The following ARHGEF3 variants were observed in gnomAD, a reference collection of about 807,000 sequenced individuals.
ARHGEF3 encodes the protein Rho guanine nucleotide exchange factor 3, also known as 59.8 kDA protein.
ARHGEF3 carries 28 observed loss-of-function variants against 63.2 expected under a neutral mutation model. That is an observed-to-expected ratio of 0.44 (90% confidence interval 0.33 to 0.61). The LOEUF (loss-of-function observed/expected upper bound fraction) is 0.61, where lower values mean the gene tolerates loss of function less well. ARHGEF3 is among the 20% of genes least tolerant of loss of function. The pLI, the probability that ARHGEF3 is intolerant of heterozygous loss-of-function variation, is 0.03. For synonymous variants in ARHGEF3, 266 were observed against 254.2 expected (o/e 1.05, Z -0.44); for missense variants, 533 against 659.3 (o/e 0.81, Z 2.10).
chr3:56,919,646 T>C (rs1415350454), intron 3 of ARHGEF3, among the ~76,000 whole-genome samples: 2 of 152,258 alleles, frequency 1.3e-5, no homozygotes, highest in Non-Finnish European at 2.9e-5. Context: ...AAAGTGCACC[T>C]GTGTGTGGAT....
chr3:56,800,591 C>T (rs1229005801), intron 1 of ARHGEF3, among the ~76,000 whole-genome samples: 1 of 152,060 alleles, frequency 6.6e-6, no homozygotes, highest in African/African-American at 2.4e-5. Flanking sequence ...GGTGTGCTCC[C>T]GAATATACAT....
chr3:56,992,375 TAAAAAAAAAAAAAAAAAAAAAAA>T (rs57740672), intron 2 of ARHGEF3, among the ~76,000 whole-genome samples: 1,501 of 46,168 alleles, frequency 0.033, 57 homozygotes, highest in Middle Eastern at 0.11. Flanking sequence ...AGGATGGCTT[TAAAAAAAAAAAAAAAAAAAAAAA>T]AAAAAAAAAA....
chr3:56,883,487 G>C (rs1197606459), intron 3 of ARHGEF3, among the ~76,000 whole-genome samples: 1 of 151,904 alleles, frequency 6.6e-6, no homozygotes, highest in Non-Finnish European at 1.5e-5. Context: ...TGTAGAGAGG[G>C]GGTCTTGCCA....
At chr3:56,836,639 C>T (rs1416505820) in intron 4 of ARHGEF3, among the ~76,000 whole-genome samples, 1 of 152,080 alleles carries the variant, frequency 6.6e-6, no homozygotes, top group African/African-American at 2.4e-5. Context: ...CAAAAAGTCA[C>T]TGTGGGCCAG....
chr3:57,007,107 G>GTGTACA, intron 2 of ARHGEF3: 1 of 1,161,644 alleles, frequency 8.6e-7, no homozygotes. Flanking sequence ...ACCCAGCAAG[G>GTGTACA]TGTACAGTTA....
intron 3 of ARHGEF3, among the ~76,000 whole-genome samples, chr3:56,958,192 C>T (rs180845633): frequency 2.8e-4 from 43 of 152,188 alleles, no homozygotes; most frequent in Non-Finnish European, 5.6e-4. Flanking sequence ...CTCCAGGTTC[C>T]AAAGAAAACA....
chr3:56,745,792 C>A lies in ARHGEF3; in HGVS notation c.613-330G>T, dbSNP rs1329755064. 8.5e-5 allele frequency among the ~76,000 whole-genome samples: 13 copies of A among 152,280 alleles called. No homozygotes were observed. In the East Asian group the frequency reaches 2.5e-3, roughly 29 times the overall value. On this transcript the variant is annotated intron_variant, in intron 6 of 9. Coordinates refer to ENST00000296315, the MANE Select transcript of ARHGEF3 (RefSeq NM_019555.3). ...GTTCACGCCATTCTCCTGCCTCAGC[C>A]TCCTGAGTAGCTGGGACTACAGGCG... is the stretch of plus-strand genomic sequence containing the variant.
chr3:56,821,557 A>C (rs1339562943), intron 4 of ARHGEF3, among the ~76,000 whole-genome samples: 1 of 152,218 alleles, frequency 6.6e-6, no homozygotes, highest in African/African-American at 2.4e-5. Flanking sequence ...TGGCATGTGT[A>C]GAACCATTGA....
At chr3:57,043,169 G>T (rs56395764) in intron 1 of ARHGEF3, among the ~76,000 whole-genome samples, 37,836 of 150,968 alleles carry the variant, frequency 0.25, 5,676 homozygotes, top group East Asian at 0.63. Context: ...AGGCTAGAGT[G>T]CAGTGGCGCG....
chr3:56,827,957 A>AAT (rs1356043092), intron 4 of ARHGEF3, among the ~76,000 whole-genome samples: 7 of 148,928 alleles, frequency 4.7e-5, no homozygotes, highest in Non-Finnish European at 4.5e-5. Flanking sequence ...AAAAAAAAAA[A>AAT]AAAAAAAAAA....
intron 2 of ARHGEF3, among the ~76,000 whole-genome samples, chr3:56,973,141 C>T (rs1297952638): frequency 2.6e-5 from 4 of 151,962 alleles, no homozygotes; most frequent in South Asian, 2.1e-4. Context: ...CTCAGCCTCC[C>T]GAGTAGCTGG....
chr3:56,889,316 G>C (rs768529733), intron 3 of ARHGEF3, among the ~76,000 whole-genome samples: 15 of 152,156 alleles, frequency 9.9e-5, no homozygotes, highest in African/African-American at 1.4e-4. Context: ...TCTCAGAAGA[G>C]CTGGCCGTGG....
At chr3:56,734,725 A>G (rs1310921253) in intron 8 of ARHGEF3, among the ~76,000 whole-genome samples, 3 of 152,148 alleles carry the variant, frequency 2.0e-5, no homozygotes, top group Non-Finnish European at 4.4e-5. Flanking sequence ...TACCTCCCAA[A>G]CACACACAAA....
At chr3:56,969,802 C>G (rs1700830133) in intron 2 of ARHGEF3, among the ~76,000 whole-genome samples, 1 of 150,412 alleles carries the variant, frequency 6.6e-6, no homozygotes, top group South Asian at 2.1e-4. Context: ...ATGAAACGTT[C>G]ATCAACTAAT....
intron 2 of ARHGEF3, among the ~76,000 whole-genome samples, chr3:56,772,359 G>A (rs2036053301): frequency 6.6e-6 from 1 of 152,222 alleles, no homozygotes; most frequent in Non-Finnish European, 1.5e-5. Flanking sequence ...AGAAAGGGCT[G>A]AGGGAGAACC....
chr3:56,930,364 C>A (rs1450376844), intron 3 of ARHGEF3, among the ~76,000 whole-genome samples: 1 of 152,132 alleles, frequency 6.6e-6, no homozygotes, highest in African/African-American at 2.4e-5. Flanking sequence ...TTGAACTCCT[C>A]CTATTGCTAA....
intron 1 of ARHGEF3, among the ~76,000 whole-genome samples, chr3:56,776,126 G>A (rs1320993679): frequency 1.3e-5 from 2 of 152,162 alleles, no homozygotes; most frequent in African/African-American, 4.8e-5. Flanking sequence ...GACAGGACGG[G>A]GGATGATCCA....
At position 57,054,891 on chromosome 3, in the gene ARHGEF3, T is replaced by C. The variant is rs571000259; in HGVS notation, c.-27-19715A>G. Among the ~76,000 whole-genome samples the C allele has an allele frequency of 4.6e-5, 7 of 151,976 alleles. No homozygotes were observed. In the East Asian group the frequency reaches 9.9e-4, roughly 22 times the overall value. ...ATCTCAATCTCCTGACCTCATGATCTGCCCACCCTGGCCTCCCAAAATGCT... is the reference window on the plus strand; with the variant it reads ...ATCTCAATCTCCTGACCTCATGATCCGCCCACCCTGGCCTCCCAAAATGCT... On this transcript the variant is annotated intron_variant, in intron 1 of 12. Coordinates refer to the ARHGEF3 transcript ENST00000338458.
At chr3:56,841,282 A>G (rs2039299362) in intron 4 of ARHGEF3, among the ~76,000 whole-genome samples, 1 of 152,224 alleles carries the variant, frequency 6.6e-6, no homozygotes, top group African/African-American at 2.4e-5. Flanking sequence ...CTAGTCAGGC[A>G]GAAATTTCAA....
Sources: gnomAD v4.1 joint callset for allele counts (sites outside exome capture counted in the v4.1 genomes callset) on GRCh38, gnomAD v4.1.1 for gene constraint, MANE v1.5 for transcripts, NCBI Gene and HGNC (gene_info 2026-07-23, HGNC 2026-07-21) for gene names.